The following TBC1D1 variants were observed in gnomAD, a reference collection of about 807,000 sequenced individuals.
TBC1D1 encodes the protein TBC1 domain family member 1, also known as TBC1 (tre-2/USP6, BUB2, cdc16) domain family, member 1.
In TBC1D1, 89 loss-of-function variants were observed where a neutral mutation model predicts 125.6. The ratio of observed to expected loss-of-function variants is 0.71; its 90% CI spans 0.60 to 0.85. TBC1D1 has a LOEUF of 0.85. TBC1D1 is among the 40% of genes least tolerant of loss of function. TBC1D1 has a pLI of 0.00. For synonymous variants in TBC1D1, 565 were observed against 564.1 expected, an observed-to-expected ratio of 1.00 and a Z score of -0.02; for missense variants, 1,377 against 1,469.2, an observed-to-expected ratio of 0.94 and a Z score of 1.03.
intron 2 of TBC1D1, among the ~76,000 whole-genome samples, chr4:37,974,029 G>A (rs556558919): frequency 7.9e-5 from 12 of 152,300 alleles, no homozygotes; most frequent in African/African-American, 2.6e-4. Context: ...AAGCATTCTC[G>A]CTCTAATGGA....
intron 15 of TBC1D1, among the ~76,000 whole-genome samples, chr4:38,104,183 A>AAAT (rs869060090): frequency 7.0e-6 from 1 of 142,002 alleles, no homozygotes; most frequent in Admixed American, 7.0e-5. Context: ...AAAAAAAAAA[A>AAAT]GTGTATGGGA....
intron 2 of TBC1D1, among the ~76,000 whole-genome samples, chr4:37,913,198 T>C (rs1388834462): frequency 6.6e-6 from 1 of 152,142 alleles, no homozygotes; most frequent in Non-Finnish European, 1.5e-5. Flanking sequence ...GTCAGACAGA[T>C]CCTAATTCTC....
At chr4:38,093,527 C>CCT (rs1758793907) in intron 13 of TBC1D1, among the ~76,000 whole-genome samples, 5 of 144,488 alleles carry the variant, frequency 3.5e-5, no homozygotes, top group Non-Finnish European at 6.1e-5. Context: ...TTTCCCCCCC[C>CCT]TTTTTTTTTT....
At chr4:37,917,453 C>A (rs530297067) in intron 2 of TBC1D1, among the ~76,000 whole-genome samples, 1 of 152,078 alleles carries the variant, frequency 6.6e-6, no homozygotes, top group Non-Finnish European at 1.5e-5. Context: ...CCAGCCTAGG[C>A]GACAGAGCTA....
At chr4:37,897,075 G>A (rs1259559010) in intron 1 of TBC1D1, among the ~76,000 whole-genome samples, 1 of 152,118 alleles carries the variant, frequency 6.6e-6, no homozygotes, top group South Asian at 2.1e-4. Flanking sequence ...TTCTTGCTGA[G>A]GGTATGAAAC....
chr4:37,956,934 G>A (rs1014762988), intron 2 of TBC1D1, among the ~76,000 whole-genome samples: 3 of 112,516 alleles, frequency 2.7e-5, no homozygotes, highest in East Asian at 4.0e-4. Flanking sequence ...GCAAGACTCC[G>A]TCTCAAAAGA....
intron 17 of TBC1D1, 114 bp from the exon 20 acceptor site, chr4:38,124,848 A>G (rs983347488): frequency 2.4e-5 from 19 of 793,828 alleles, no homozygotes; most frequent in Admixed American, 7.2e-5. Flanking sequence ...AAAGTTTGCA[A>G]TGTGGGGCTA....
At chr4:38,000,562 G>A (rs1738846307) in intron 2 of TBC1D1, among the ~76,000 whole-genome samples, 1 of 152,148 alleles carries the variant, frequency 6.6e-6, no homozygotes, top group South Asian at 2.1e-4. Flanking sequence ...TTGGGCTAGG[G>A]ATCCTCAGCC....
At chr4:38,078,132 G>A (rs2152520926) in intron 12 of TBC1D1, among the ~76,000 whole-genome samples, 1 of 152,282 alleles carries the variant, frequency 6.6e-6, no homozygotes, top group African/African-American at 2.4e-5. Context: ...TCAAAAGAAA[G>A]GACAGCTCTG....
chr4:38,125,442 A>G (rs763725642), intron 18 of TBC1D1, among the ~76,000 whole-genome samples: 1 of 152,180 alleles, frequency 6.6e-6, no homozygotes, highest in Non-Finnish European at 1.5e-5. Context: ...AAACATATAT[A>G]TATTTATGCA....
At chr4:38,039,971 T>C (rs1429315533) in intron 8 of TBC1D1, among the ~76,000 whole-genome samples, 1 of 151,968 alleles carries the variant, frequency 6.6e-6, no homozygotes, top group South Asian at 2.1e-4. Flanking sequence ...TTAAAGAAAT[T>C]ATTGTCTAAG....
At chr4:38,094,441 T>C (rs1225050643) in intron 13 of TBC1D1, among the ~76,000 whole-genome samples, 3 of 152,218 alleles carry the variant, frequency 2.0e-5, no homozygotes, top group African/African-American at 4.8e-5. Flanking sequence ...GGGGGTCTTA[T>C]TTAATATTGC....
intron 2 of TBC1D1, among the ~76,000 whole-genome samples, chr4:37,991,140 G>A (rs1736470982): frequency 1.3e-5 from 2 of 152,192 alleles, no homozygotes; most frequent in Non-Finnish European, 2.9e-5. Context: ...AAACCTCTGA[G>A]TAGCCCCTTG....
intron 15 of TBC1D1, among the ~76,000 whole-genome samples, chr4:38,111,211 C>T (rs1239254520): frequency 6.6e-6 from 1 of 152,230 alleles, no homozygotes; most frequent in Admixed American, 6.5e-5. Flanking sequence ...TAATCCCCCT[C>T]ATCCACTCTC....
intron 5 of TBC1D1, among the ~76,000 whole-genome samples, chr4:38,021,080 A>C (rs539660982): frequency 6.6e-6 from 1 of 152,360 alleles, no homozygotes; most frequent in African/African-American, 2.4e-5. Context: ...AAAGAGGTTT[A>C]ATGGACTCAT....
At chr4:38,054,366 CAA>C in intron 12 of TBC1D1, 28 bp downstream of exon 14, 2 of 1,613,060 alleles carry the variant, frequency 1.2e-6, no homozygotes, top group South Asian at 2.2e-5. Flanking sequence ...AATGAAACCT[CAA>C]AGAGAGCACG....
chr4:38,112,578 A>G (rs562772616), intron 15 of TBC1D1, among the ~76,000 whole-genome samples: 29 of 152,382 alleles, frequency 1.9e-4, no homozygotes, highest in Middle Eastern at 3.4e-3. Flanking sequence ...GCTAAGGTTC[A>G]GAGAAGCTAG....
chr4:37,921,396 AC>A, intron 2 of TBC1D1, among the ~76,000 whole-genome samples: 1 of 146,470 alleles, frequency 6.8e-6, no homozygotes, highest in Non-Finnish European at 1.5e-5. Context: ...ACATATATAT[AC>A]AAAATACATA....
At chr4:37,912,103 A>G (rs978258113) in intron 2 of TBC1D1, among the ~76,000 whole-genome samples, 3 of 152,210 alleles carry the variant, frequency 2.0e-5, no homozygotes, top group Non-Finnish European at 2.9e-5. Context: ...TTCCCAGTCT[A>G]AGGAATATCC....
Sources: gnomAD v4.1 joint callset for allele counts (sites outside exome capture counted in the v4.1 genomes callset) on GRCh38, gnomAD v4.1.1 for gene constraint, MANE v1.5 for transcripts, NCBI Gene and HGNC (gene_info 2026-07-23, HGNC 2026-07-21) for gene names.